DDX50: variants seen among roughly 807,000 people sequenced by gnomAD.
The protein encoded by DDX50 is DExD-box helicase 50.
In DDX50, 56 loss-of-function variants were observed where a neutral mutation model predicts 94.8. The ratio of observed to expected loss-of-function variants is 0.59; its 90% CI spans 0.48 to 0.74. The LOEUF is 0.74. Among genes scored for constraint, DDX50 ranks in the 30% least tolerant of loss-of-function variants. The probability of loss-of-function intolerance (pLI) is 0.00; values close to 1 mark genes in which losing one functional copy is unlikely to be tolerated. For synonymous variants in DDX50, 264 were observed against 295.4 expected (o/e 0.89, Z 1.09); for missense variants, 713 against 881.2 (o/e 0.81, Z 2.42).
chr10:68,934,230 A>C lies in DDX50; in HGVS notation c.1271A>C (p.Gln424Pro). 1 of 1,612,094 alleles carries C rather than the reference A, an allele frequency of 6.2e-7. No individual in the cohort carries two copies. The highest frequency in any genetic ancestry group is 2.2e-5 in the East Asian group (1 of 44,882). Residue 424 changes from glutamine (Q) to proline (P), a missense_variant, in exon 9 of 15, where the codon CAG becomes CCG. Gln to Pro is a moderately conservative substitution (Grantham distance 76). Around this residue, in one of 2 missense-constraint regions of DDX50, gnomAD observed 428 missense variants for 602.3 expected, o/e 0.71. Transcript: ENST00000373585. This position sits in a 1 kb window ranked among gnomAD's most constrained non-coding sequence, Gnocchi z 4.0. ...CAGTGTTTACATGGGGACATTGCAC[A>C]GTCACAAAGAGAAATTACACTAAAA... ...NAQCLHGDIA[Q>P]SQREITLKGF...
Position 68,937,093 on chromosome 10 carries a change from A to ACTGTC in DDX50, c.1753_1754insCTGTC (p.Lys585ThrfsTer6). ...ACCACGATCTTTGATCACCTCTGATAAGGTAGAAATCTGTGAGAAAATTGT... is the reference window on the plus strand; with the variant it reads ...ACCACGATCTTTGATCACCTCTGATACTGTCAGGTAGAAATCTGTGAGAAAATTGT... On this transcript the variant is annotated frameshift_variant and splice_region_variant, in exon 12 of 15. Coordinates refer to ENST00000373585, the MANE Select transcript of DDX50 (RefSeq NM_024045.2). LOFTEE classifies it high-confidence loss of function. The ACTGTC allele has an allele frequency of 6.2e-7, 1 of 1,602,250 alleles. No individual in the cohort carries two copies. The highest frequency in any genetic ancestry group is 8.5e-7 in the Non-Finnish European group (1 of 1,172,616).
chr10:68,910,452 G>A, intron 3 of DDX50, 70 bp downstream of exon 3: 4 of 1,307,192 alleles, frequency 3.1e-6, no homozygotes, highest in Non-Finnish European at 4.2e-6. Context: ...GCCCAGGCTG[G>A]AGTGCAGTGG....
intron 12 of DDX50, 124 bp from the exon 13 acceptor site, chr10:68,940,936 C>T: frequency 7.6e-7 from 1 of 1,309,716 alleles, no homozygotes; most frequent in Non-Finnish European, 1.0e-6. Flanking sequence ...AATTTTTTAG[C>T]TGCAATGTTA....
chr10:68,919,547 T>TA (rs1841889605), intron 7 of DDX50, among the ~76,000 whole-genome samples: 1 of 152,262 alleles, frequency 6.6e-6, no homozygotes, highest in African/African-American at 2.4e-5. Flanking sequence ...TGTAAGATGT[T>TA]ATTCGGCATT....
intron 7 of DDX50, among the ~76,000 whole-genome samples, chr10:68,915,282 G>A (rs1233859823): frequency 2.6e-5 from 4 of 151,228 alleles, no homozygotes; most frequent in Admixed American, 2.0e-4. Flanking sequence ...TCATGGTGGC[G>A]GGCGCCTGTA....
At position 68,944,483 on chromosome 10, in the gene DDX50, A is replaced by G. The variant is rs1842621054; in HGVS notation, c.1935+1226A>G. Among the ~76,000 whole-genome samples the G allele has an allele frequency of 2.0e-5, 3 of 152,154 alleles. No individual in the cohort carries two copies. The South Asian group carries it at 6.2e-4, about 32-fold the overall frequency. On this transcript the variant is annotated intron_variant, in intron 14 of 14. Coordinates refer to ENST00000373585, the MANE Select transcript of DDX50 (RefSeq NM_024045.2). ...CGAAGTCTTTTTAAAAATTCAGAAT[A>G]TGTTAAAGACACATTTTTGTGTCAA...
intron 7 of DDX50, among the ~76,000 whole-genome samples, chr10:68,917,901 C>A (rs1472083960): frequency 6.6e-6 from 1 of 152,076 alleles, no homozygotes; most frequent in Non-Finnish European, 1.5e-5. Context: ...CTGTACCTGG[C>A]CTCCCCGTAA....
intron 8 of DDX50, among the ~76,000 whole-genome samples, chr10:68,922,690 G>C (rs1841971734): frequency 6.6e-6 from 1 of 152,094 alleles, no homozygotes; most frequent in Non-Finnish European, 1.5e-5. Context: ...CTGCTCAGGA[G>C]GCTGAGGTGG....
intron 12 of DDX50, among the ~76,000 whole-genome samples, chr10:68,938,116 A>C (rs1842468703): frequency 1.3e-5 from 2 of 152,136 alleles, no homozygotes; most frequent in African/African-American, 4.8e-5. Flanking sequence ...TTTGGAGAGA[A>C]ATATAGGAAA....
intron 8 of DDX50, among the ~76,000 whole-genome samples, chr10:68,929,390 C>G (rs1043286326): frequency 9.4e-5 from 14 of 148,830 alleles, no homozygotes; most frequent in South Asian, 6.4e-4. Flanking sequence ...TCCTTCCTTT[C>G]CTTTCTTTCC....
chr10:68,903,552 G>T (rs1841352441), intron 1 of DDX50, among the ~76,000 whole-genome samples: 2 of 151,902 alleles, frequency 1.3e-5, no homozygotes, highest in African/African-American at 2.4e-5. Flanking sequence ...TGTAATGCCG[G>T]CATTTTTGGA....
chr10:68,945,294 T>C (rs552232432), intron 14 of DDX50, among the ~76,000 whole-genome samples: 1 of 145,180 alleles, frequency 6.9e-6, no homozygotes, highest in Admixed American at 7.0e-5. Context: ...AGCAACAGGG[T>C]GTCTTAATAA....
rs138691185 is a variant in DDX50 at position 68,921,827 on chromosome 10, G to A, written c.1239+1846G>A. Among the ~76,000 whole-genome samples the A allele has an allele frequency of 3.3e-4, 50 of 152,168 alleles. No individual in the cohort carries two copies. In the East Asian group the frequency reaches 9.5e-3, roughly 29 times the overall value. On this transcript the variant is annotated intron_variant, in intron 8 of 14. Coordinates refer to ENST00000373585, the MANE Select transcript of DDX50 (RefSeq NM_024045.2). The stretch of plus-strand genomic sequence containing the variant: ...GTTACTTTACTGTTTTTGGAATAAA[G>A]CATCGGTATAAAAAGTGAGATGCCA...
At chr10:68,929,041 T>A (rs1842163088) in intron 8 of DDX50, among the ~76,000 whole-genome samples, 1 of 152,060 alleles carries the variant, frequency 6.6e-6, no homozygotes, top group African/African-American at 2.4e-5. Flanking sequence ...CACCACCTCC[T>A]GGGTTCAAGC....
Position 68,916,726 on chromosome 10 carries a change from T to C in DDX50, c.1089+2522T>C, listed in dbSNP as rs566121183. 9.2e-5 allele frequency among the ~76,000 whole-genome samples: 14 copies of C among 152,312 alleles called. No individual in the cohort carries two copies. The East Asian group carries it at 2.3e-3, about 25-fold the overall frequency. On this transcript the variant is annotated intron_variant, in intron 7 of 14. Transcript: ENST00000373585. The stretch of plus-strand genomic sequence containing the variant: ...GAGATGGAATTTCACTCTTGTTGCC[T>C]AGTCTGCAGTGCAATGGTGTGATCT...
At chr10:68,923,602 G>A (rs1457450028) in intron 8 of DDX50, among the ~76,000 whole-genome samples, 1 of 151,942 alleles carries the variant, frequency 6.6e-6, no homozygotes, top group Admixed American at 6.6e-5. Context: ...GAGTGCAGTG[G>A]CAAGATCCCG....
At chr10:68,933,832 G>A (rs1842333663) in intron 8 of DDX50, among the ~76,000 whole-genome samples, 2 of 151,886 alleles carry the variant, frequency 1.3e-5, no homozygotes, top group South Asian at 4.1e-4. Context: ...CTACTCGGGA[G>A]GCTGAGGTAG....
chr10:68,934,319 A>AT lies in DDX50; in HGVS notation c.1362dup (p.Pro455SerfsTer2). On this transcript the variant is annotated frameshift_variant, in exon 9 of 15. Transcript: ENST00000373585. LOFTEE classifies it high-confidence loss of function. The surrounding 1 kb of genome is among the most constrained non-coding windows in gnomAD (Gnocchi z 4.0). ...CAATGTGGCTGCCCGTGGTTTGGAC[A>AT]TTCCTGAAGTTGACCTGGTGATTCA... is the stretch of plus-strand genomic sequence containing the variant. The AT allele has an allele frequency of 1.9e-6, 3 of 1,613,892 alleles. No homozygotes were observed. The highest frequency in any genetic ancestry group is 2.5e-6 in the Non-Finnish European group (3 of 1,179,862).
At chr10:68,922,372 T>G (rs1841964443) in intron 8 of DDX50, among the ~76,000 whole-genome samples, 1 of 152,216 alleles carries the variant, frequency 6.6e-6, no homozygotes, top group African/African-American at 2.4e-5. Context: ...TATTCAGTCT[T>G]TTACTCTTTC....
Sources: allele counts gnomAD v4.1 joint callset (sites outside exome capture counted in the v4.1 genomes callset), GRCh38; gene constraint gnomAD v4.1.1; regional missense constraint gnomAD v4.1.1; non-coding constraint Gnocchi (gnomAD v3.1); transcripts MANE v1.5; gene names NCBI Gene and HGNC (gene_info 2026-07-23, HGNC 2026-07-21).